Variants in MZT2B observed in about 807,000 individuals in gnomAD.
MZT2B encodes the protein mitotic spindle organizing protein 2B.
Under a neutral mutation model 12.1 loss-of-function variants are expected in MZT2B, and 11 were observed. The ratio of observed to expected loss-of-function variants is 0.91; its 90% CI spans 0.57 to 1.50. The LOEUF is 1.50. Ranked by LOEUF, MZT2B falls within the 40% of genes most tolerant of loss-of-function variation. The probability of loss-of-function intolerance (pLI) is 0.00; values close to 1 mark genes in which losing one functional copy is unlikely to be tolerated. For missense variants in MZT2B, 209 were observed against 227.7 expected, an observed-to-expected ratio of 0.92 and a Z score of 0.53; for synonymous variants, 85 against 109.5, an observed-to-expected ratio of 0.78 and a Z score of 1.40.
At chr2:130,194,486 G>A (rs775855768), downstream of MZT2B, 106 of 1,519,878 alleles carry the variant, frequency 7.0e-5, 1 homozygote, top group Non-Finnish European at 8.9e-5. Flanking sequence ...ACCAGACAAC[G>A]TGAGCCAATG....
At chr2:130,184,980 C>T (rs1259776108) in intron 2 of MZT2B, 1 of 695,438 alleles carries the variant, frequency 1.4e-6, no homozygotes, top group African/African-American at 1.9e-5. Context: ...GCCTGGGCAA[C>T]ATAGCAAGAC....
chr2:130,185,561 G>A (rs1573762184), intron 2 of MZT2B, among the ~76,000 whole-genome samples: 1 of 116,188 alleles, frequency 8.6e-6, no homozygotes, highest in Non-Finnish European at 1.8e-5. Context: ...GGGTTACACA[G>A]GGGGGTAACA....
chr2:130,195,339 C>T, downstream of MZT2B: 1 of 1,448,758 alleles, frequency 6.9e-7, no homozygotes, highest in East Asian at 2.3e-5. Flanking sequence ...AGTACATGAC[C>T]TACATGTCAT....
chr2:130,203,369 T>A, the MZT2B span, among the ~76,000 whole-genome samples: 1 of 152,278 alleles, frequency 6.6e-6, no homozygotes, highest in South Asian at 2.1e-4. Context: ...TTCCTCCCCA[T>A]GTGGGAGCCG....
intron 2 of MZT2B, 88 bp downstream of exon 2, chr2:130,182,863 G>A (rs1484964365): frequency 1.4e-6 from 2 of 1,463,740 alleles, no homozygotes; most frequent in Non-Finnish European, 1.8e-6. Flanking sequence ...GCGTGGCCCT[G>A]AGTGGCCAGG....
downstream of MZT2B, among the ~76,000 whole-genome samples, chr2:130,191,090 C>T (rs1690247600): frequency 6.6e-6 from 1 of 152,120 alleles, no homozygotes; most frequent in African/African-American, 2.4e-5. Flanking sequence ...GCTGGGCCTA[C>T]AGGTGCCCAT....
At chr2:130,184,860 G>A in intron 2 of MZT2B, 1 of 985,342 alleles carries the variant, frequency 1.0e-6, no homozygotes, top group Non-Finnish European at 1.2e-6. Context: ...CCCAGTGAGA[G>A]GCAGTGAGGA....
the MZT2B span, chr2:130,198,404 A>G: frequency 1.5e-6 from 2 of 1,353,604 alleles, 1 homozygote; most frequent in Non-Finnish European, 2.0e-6. Context: ...CCAGACCTCA[A>G]CCGGCTGCCA....
downstream of MZT2B, chr2:130,195,291 C>G: frequency 6.3e-7 from 1 of 1,576,212 alleles, no homozygotes; most frequent in Non-Finnish European, 8.6e-7. Context: ...TGGACACATT[C>G]CAGGAGTGTT....
intron 2 of MZT2B, chr2:130,184,033 C>G: frequency 6.5e-7 from 1 of 1,550,370 alleles, no homozygotes; most frequent in Non-Finnish European, 8.7e-7. Context: ...CTGCCTGGCC[C>G]CAGGAGGCCC....
At chr2:130,183,993 G>A (rs762993470) in intron 2 of MZT2B, 1 of 1,550,478 alleles carries the variant, frequency 6.4e-7, no homozygotes, top group Non-Finnish European at 8.7e-7. Flanking sequence ...TATCTCTGGG[G>A]GTTGGTGCTC....
Position 130,190,560 on chromosome 2 carries a change from G to A in MZT2B, c.411G>A (p.Gln137=), listed in dbSNP as rs745593852. The change falls in exon 3 of 3, where the codon CAG becomes CAA. Residue 137 remains glutamine (Q), a synonymous_variant. Transcript: ENST00000281871. ...REGSSQRMPR[Q]PSATRLPKGG... Reference sequence around the variant, plus strand: ...GATCCAGCCAGAGGATGCCACGCCAGCCCAGCGCTACCAGGCTGCCCAAGG... The same window carrying A: ...GATCCAGCCAGAGGATGCCACGCCAACCCAGCGCTACCAGGCTGCCCAAGG... The A allele has an allele frequency of 1.9e-6, 3 of 1,613,726 alleles. No individual in the cohort carries two copies. Among genetic ancestry groups the A allele is most frequent in the Non-Finnish European group, 2.5e-6 (3 of 1,179,950 alleles).
chr2:130,182,172 C>A (rs2104951764), upstream of MZT2B: 7 of 1,261,182 alleles, frequency 5.6e-6, no homozygotes, highest in Middle Eastern at 3.2e-4. Context: ...TCCCGCCCCT[C>A]CCGCCAGGGC....
chr2:130,184,566 G>A, intron 2 of MZT2B: 1 of 985,346 alleles, frequency 1.0e-6, no homozygotes, highest in Non-Finnish European at 1.2e-6. Flanking sequence ...TGCACCTCCT[G>A]CGTGCACTTC....
chr2:130,186,593 C>T (rs1690072844), intron 2 of MZT2B, among the ~76,000 whole-genome samples: 1 of 152,200 alleles, frequency 6.6e-6, no homozygotes, highest in Non-Finnish European at 1.5e-5. Flanking sequence ...ATGGTCATTG[C>T]ACTGCGTGTG....
rs772724426 is a variant in MZT2B at position 130,182,745 on chromosome 2, C to T, written c.289C>T (p.Leu97=). 4 of 1,522,158 alleles carry T rather than the reference C, an allele frequency of 2.6e-6. No individual in the cohort carries two copies. The East Asian group carries it at 7.4e-5, about 28-fold the overall frequency. 94.3% of individuals were successfully genotyped at this position (1,522,158 alleles called of 1,614,324 possible). A position where few individuals can be genotyped will look rare whatever the true frequency, so the allele number is the denominator to read the frequency against. Reference sequence around the variant, plus strand: ...GCCCCAGGACCCTGCGGCCGTGTCTCTGCCCACGTCGAGCGTGCCCGAGAC... The same window carrying T: ...GCCCCAGGACCCTGCGGCCGTGTCTTTGCCCACGTCGAGCGTGCCCGAGAC... ...SEPQDPAAVS[L]PTSSVPETRG... Residue 97 remains leucine, a synonymous_variant, in exon 2 of 3, where the codon CTG becomes TTG. Transcript: ENST00000281871.
rs1558780881 is a variant in MZT2B, at chr2:130,190,607, C to T, written c.458C>T (p.Pro153Leu). 2 of 1,611,254 alleles carry T rather than the reference C, an allele frequency of 1.2e-6. No homozygotes were observed. The highest frequency in any genetic ancestry group is 1.3e-5 in the African/African-American group (1 of 74,892). ...LPKGGGPGKSPTRGST is the reference protein window; with the variant it reads ...LPKGGGPGKSLTRGST ...AAGGGGGGCGGGCCTGGGAAGAGCC[C>T]TACACGGGGCAGCACCTAGGATGGG... The change falls in exon 3 of 3, where the codon CCT (proline) becomes CTT (leucine). Residue 153 changes from proline (P) to leucine (L), a missense_variant. By Grantham distance (98) the Pro-to-Leu change is moderately conservative. Coordinates refer to ENST00000281871, the MANE Select transcript of MZT2B (RefSeq NM_025029.5).
upstream of MZT2B, chr2:130,181,860 C>CA (rs1558772497): frequency 6.5e-7 from 1 of 1,535,248 alleles, no homozygotes; most frequent in Admixed American, 2.0e-5. Context: ...AGTGCCCCCC[C>CA]CTTCCCCCCG....
the MZT2B span, chr2:130,204,101 A>G: frequency 7.7e-7 from 1 of 1,290,790 alleles, no homozygotes; most frequent in South Asian, 1.2e-5. Context: ...AATATAGTGT[A>G]AGACTAAATG....
Sources: allele counts gnomAD v4.1 joint callset (sites outside exome capture counted in the v4.1 genomes callset), GRCh38; gene constraint gnomAD v4.1.1; transcripts MANE v1.5; gene names NCBI Gene and HGNC (gene_info 2026-07-23, HGNC 2026-07-21).